The following RBFOX1 variants were observed in gnomAD, a reference collection of about 807,000 sequenced individuals.
RBFOX1 encodes the protein RNA binding protein fox-1 homolog 1.
A neutral mutation model predicts 57.7 loss-of-function variants in RBFOX1; 8 were observed. That is an observed-to-expected ratio of 0.14 (90% CI 0.08 to 0.25). The LOEUF is 0.25. Ranked by LOEUF, RBFOX1 falls within the 10% of genes least tolerant of loss-of-function variation. The probability of loss-of-function intolerance (pLI) is 1.00; values close to 1 mark genes in which losing one functional copy is unlikely to be tolerated. For missense variants in RBFOX1, 611 were observed against 548.5 expected (o/e 1.11, Z -1.14); for synonymous variants, 326 against 222.4 (o/e 1.47, Z -4.15).
intron 2 of RBFOX1, among the ~76,000 whole-genome samples, chr16:6,341,436 C>T (rs1044084803): frequency 2.0e-5 from 3 of 152,090 alleles, no homozygotes; most frequent in African/African-American, 7.2e-5. Flanking sequence ...GTTAGGGATT[C>T]CTAGCCTCTA....
At chr16:5,369,948 TG>T (rs1195965229) in intron 1 of RBFOX1, among the ~76,000 whole-genome samples, 2 of 152,134 alleles carry the variant, frequency 1.3e-5, no homozygotes, top group Non-Finnish European at 2.9e-5. Flanking sequence ...GATGGGGTCA[TG>T]GGGAGGCATC....
At chr16:5,297,507 T>C (rs2063698013) in intron 1 of RBFOX1, among the ~76,000 whole-genome samples, 3 of 152,220 alleles carry the variant, frequency 2.0e-5, no homozygotes, top group Admixed American at 2.0e-4. Context: ...TTTTAAGAAT[T>C]TTTTATATAC....
At chr16:6,820,448 G>A (rs182159399) in intron 3 of RBFOX1, among the ~76,000 whole-genome samples, 172 of 152,256 alleles carry the variant, frequency 1.1e-3, no homozygotes, top group Non-Finnish European at 1.9e-3. Flanking sequence ...GTTGAGGCCA[G>A]GAGTTCGACA....
chr16:6,491,545 A>G (rs2095632780), intron 2 of RBFOX1, among the ~76,000 whole-genome samples: 1 of 152,188 alleles, frequency 6.6e-6, no homozygotes, highest in Non-Finnish European at 1.5e-5. Context: ...TGTACTAGCT[A>G]ATTGTTCAGT....
At chr16:7,482,450 C>T (rs148857170) in intron 4 of RBFOX1, among the ~76,000 whole-genome samples, 1,736 of 148,126 alleles carry the variant, frequency 0.012, 14 homozygotes, top group Middle Eastern at 0.031. Flanking sequence ...CTCTTCAGCC[C>T]CTCCTTCCAT....
chr16:5,617,591 A>G (rs2048074766), intron 3 of RBFOX1, among the ~76,000 whole-genome samples: 1 of 152,198 alleles, frequency 6.6e-6, no homozygotes, highest in Non-Finnish European at 1.5e-5. Context: ...TGTCTTCTGC[A>G]TTCTTTGGGT....
At chr16:5,917,905 A>G (rs977601972) in intron 4 of RBFOX1, among the ~76,000 whole-genome samples, 1 of 152,002 alleles carries the variant, frequency 6.6e-6, no homozygotes, top group East Asian at 1.9e-4. Flanking sequence ...TTCCCGCTGC[A>G]CTGACCTCTT....
intron 3 of RBFOX1, among the ~76,000 whole-genome samples, chr16:6,675,556 T>C (rs924659967): frequency 1.3e-5 from 2 of 152,202 alleles, no homozygotes; most frequent in Non-Finnish European, 2.9e-5. Flanking sequence ...TGTGTTAGTC[T>C]GTTTTCACAC....
chr16:7,705,820 T>TCATC (rs1452856193), intron 14 of RBFOX1, among the ~76,000 whole-genome samples: 1 of 152,112 alleles, frequency 6.6e-6, no homozygotes, highest in Non-Finnish European at 1.5e-5. Context: ...ATTAGTGTAG[T>TCATC]CATCATGTGC....
chr16:6,972,416 T>C (rs915891592), intron 3 of RBFOX1, among the ~76,000 whole-genome samples: 3 of 152,204 alleles, frequency 2.0e-5, no homozygotes, highest in African/African-American at 7.2e-5. Flanking sequence ...GTGTAGGATG[T>C]TTCTTCGTTT....
At chr16:7,581,704 A>G (rs1444586011) in intron 6 of RBFOX1, among the ~76,000 whole-genome samples, 1 of 151,986 alleles carries the variant, frequency 6.6e-6, no homozygotes, top group African/African-American at 2.4e-5. Context: ...CTTGATCCAA[A>G]TCTACTAGTT....
rs190796193 is a variant in RBFOX1 at position 7,667,005 on chromosome 16, C to G, written c.930+2037C>G. ...TTTCTCTGACTTTTCAGGCCACGAC[C>G]CCCAGCCAGAAATTATCGTTTTCCC... On this transcript the variant is annotated intron_variant, in intron 13 of 15. Coordinates refer to ENST00000550418, the MANE Select transcript of RBFOX1 (RefSeq NM_018723.4). Among the ~76,000 whole-genome samples, 152 of 152,284 alleles carry G rather than the reference C, an allele frequency of 1.0e-3. No homozygotes were observed. In the Middle Eastern group the frequency reaches 0.014, roughly 14 times the overall value.
chr16:6,419,761 A>C (rs1484371850), intron 2 of RBFOX1, among the ~76,000 whole-genome samples: 1 of 152,102 alleles, frequency 6.6e-6, no homozygotes, highest in Admixed American at 6.6e-5. Context: ...CACACACCGC[A>C]ATTTTTGCCT....
At chr16:6,933,187 T>C (rs2076834989) in intron 3 of RBFOX1, among the ~76,000 whole-genome samples, 1 of 152,232 alleles carries the variant, frequency 6.6e-6, no homozygotes, top group Non-Finnish European at 1.5e-5. Context: ...TTACTGTGAA[T>C]GATGCTATGA....
At position 6,613,505 on chromosome 16, in the gene RBFOX1, C is replaced by T. The variant is rs147548122; in HGVS notation, c.-63-41098C>T. On this transcript the variant is annotated intron_variant, in intron 2 of 15. Transcript: ENST00000550418. ...AACAGTTAAGCATATAGATTAGCAT[C>T]ACTTACATGCAAGGACATTGTAAAA... Among the ~76,000 whole-genome samples, 264 of 152,198 alleles carry T rather than the reference C, an allele frequency of 1.7e-3. 1 individual carries two copies. Among genetic ancestry groups the T allele is most frequent in the African/African-American group, 6.2e-3 (257 of 41,522 alleles).
intron 3 of RBFOX1, among the ~76,000 whole-genome samples, chr16:6,941,657 A>G (rs775270418): frequency 3.3e-5 from 5 of 152,124 alleles, no homozygotes; most frequent in South Asian, 2.1e-4. Context: ...GGGTTTATCT[A>G]TAAAGCAGGT....
At chr16:7,445,013 T>G (rs1046000311) in intron 4 of RBFOX1, among the ~76,000 whole-genome samples, 5 of 84,514 alleles carry the variant, frequency 5.9e-5, no homozygotes, top group East Asian at 4.8e-4. Context: ...AAGTGTTTGT[T>G]TTTTTTTTTC....
At chr16:7,057,037 A>G (rs2052543155) in intron 4 of RBFOX1, among the ~76,000 whole-genome samples, 1 of 152,162 alleles carries the variant, frequency 6.6e-6, no homozygotes, top group African/African-American at 2.4e-5. Context: ...CTGAAAAAAA[A>G]AAAAAATGCA....
At chr16:5,506,745 C>A (rs1481880435) in intron 2 of RBFOX1, among the ~76,000 whole-genome samples, 2 of 152,146 alleles carry the variant, frequency 1.3e-5, no homozygotes, top group African/African-American at 4.8e-5. Flanking sequence ...AAGACCCCTT[C>A]TTTCTTGAAA....
Sources: gnomAD v4.1 joint callset for allele counts (sites outside exome capture counted in the v4.1 genomes callset) on GRCh38, gnomAD v4.1.1 for gene constraint, MANE v1.5 for transcripts, NCBI Gene and HGNC (gene_info 2026-07-23, HGNC 2026-07-21) for gene names.